CCNH: variants seen among roughly 807,000 people sequenced by gnomAD.
CCNH encodes cyclin H.
CCNH carries 31 observed loss-of-function variants against 41.9 expected under a neutral mutation model. The observed-to-expected ratio is 0.74, with a 90% CI of 0.56 to 1.00. The LOEUF (loss-of-function observed/expected upper bound fraction) is 1.00, where lower values mean the gene tolerates loss of function less well. Ranked by LOEUF, CCNH falls within the 50% of genes least tolerant of loss-of-function variation. The pLI, the probability that CCNH is intolerant of heterozygous loss-of-function variation, is 0.00. For missense variants in CCNH, 362 were observed against 388.4 expected (o/e 0.93, Z 0.57); for synonymous variants, 138 against 136.1 (o/e 1.01, Z -0.10).
downstream of CCNH, among the ~76,000 whole-genome samples, chr5:87,373,248 C>CAAAAATATTCA (rs141121710): frequency 0.032 from 4,883 of 151,610 alleles, 233 homozygotes; most frequent in African/African-American, 0.1. Context: ...AACCATGGGT[C>CAAAAATATTCA]GAAAAAATAC....
At chr5:87,378,375 C>T (rs774161215), upstream of CCNH, 22 of 1,610,974 alleles carry the variant, frequency 1.4e-5, no homozygotes, top group Middle Eastern at 6.6e-4. Context: ...AAATAATCTT[C>T]TAATGTAAAT....
At chr5:87,391,500 C>T (rs999111403), downstream of CCNH, 2 of 237,678 alleles carry the variant, frequency 8.4e-6, no homozygotes, top group African/African-American at 4.4e-5. Flanking sequence ...ATCTATTGCT[C>T]ATCAGCTTTA....
intron 9 of CCNH, chr5:87,332,713 C>A: frequency 2.1e-6 from 3 of 1,405,976 alleles, no homozygotes; most frequent in South Asian, 2.5e-5. Flanking sequence ...AGCTATTGCT[C>A]AGTTTCTTAT....
chr5:87,360,044 A>G (rs1397007552), intron 9 of CCNH, among the ~76,000 whole-genome samples: 7 of 150,900 alleles, frequency 4.6e-5, no homozygotes, highest in African/African-American at 1.7e-4. Context: ...CATTGTATCT[A>G]TCATATCAAT....
intron 9 of CCNH, chr5:87,331,190 T>C (rs1195761390): frequency 1.0e-6 from 1 of 982,878 alleles, no homozygotes; most frequent in Non-Finnish European, 1.6e-6. Flanking sequence ...AGACTGAGGT[T>C]AAATTGAGTT....
intron 9 of CCNH, among the ~76,000 whole-genome samples, chr5:87,349,754 T>C (rs1289420825): frequency 6.6e-6 from 1 of 151,962 alleles, no homozygotes; most frequent in Non-Finnish European, 1.5e-5. Flanking sequence ...TGAGACTTAT[T>C]ATACAGATGT....
chr5:87,411,186 A>C, intron 2 of CCNH, 38 bp downstream of exon 2: 1 of 1,575,156 alleles, frequency 6.3e-7, no homozygotes, highest in Non-Finnish European at 8.6e-7. Flanking sequence ...TCACAAGCCA[A>C]CTAAAGGACA....
chr5:87,385,259 T>C, intron 9 of CCNH: 1 of 1,225,054 alleles, frequency 8.2e-7, no homozygotes, highest in Non-Finnish European at 1.2e-6. Flanking sequence ...CTGGAAGTGC[T>C]GTTGGACTTG....
chr5:87,346,046 C>A (rs184365521), intron 9 of CCNH, among the ~76,000 whole-genome samples: 13 of 152,042 alleles, frequency 8.6e-5, no homozygotes, highest in African/African-American at 2.6e-4. Flanking sequence ...ACTATGATGC[C>A]TTTTATAATA....
intron 6 of CCNH, among the ~76,000 whole-genome samples, 197 bp from the exon 7 acceptor site, chr5:87,399,702 T>C (rs998595909): frequency 6.6e-6 from 1 of 152,210 alleles, no homozygotes; most frequent in Non-Finnish European, 1.5e-5. Flanking sequence ...CAAGTAATTA[T>C]GGCTCTCTGC....
At position 87,330,021 on chromosome 5, in the gene CCNH, G is replaced by A. The variant is rs1228486243; in HGVS notation, c.*91-11124C>T. ...AAGATTAGGATTTTAGAGGAATGCAGTATTGATTGTTCTTTCCCTTCTTCC... is the reference window on the plus strand; with the variant it reads ...AAGATTAGGATTTTAGAGGAATGCAATATTGATTGTTCTTTCCCTTCTTCC... On this transcript the variant is annotated intron_variant and NMD_transcript_variant, in intron 9 of 9. Transcript: ENST00000645953. 3.3e-5 allele frequency among the ~76,000 whole-genome samples: 5 copies of A among 152,222 alleles called. No individual in the cohort carries two copies. In the East Asian group the frequency reaches 9.7e-4, roughly 29 times the overall value.
At chr5:87,384,697 A>G (rs1441536183) in intron 9 of CCNH, among the ~76,000 whole-genome samples, 1 of 152,136 alleles carries the variant, frequency 6.6e-6, no homozygotes, top group African/African-American at 2.4e-5. Flanking sequence ...TCCAGAGCTT[A>G]TATTTAATAG....
downstream of CCNH, among the ~76,000 whole-genome samples, chr5:87,388,021 C>A (rs1580414104): frequency 6.6e-6 from 1 of 152,290 alleles, no homozygotes; most frequent in East Asian, 1.9e-4. Flanking sequence ...TGAAGACCCA[C>A]CTCAATTATT....
intron 9 of CCNH, among the ~76,000 whole-genome samples, chr5:87,370,154 C>T (rs1474043682): frequency 2.6e-5 from 4 of 152,102 alleles, no homozygotes; most frequent in African/African-American, 9.7e-5. Context: ...GATGTTGAGG[C>T]CAACTGAGAA....
At chr5:87,341,385 A>T (rs950689829) in intron 9 of CCNH, 9 of 1,160,820 alleles carry the variant, frequency 7.8e-6, no homozygotes, top group Non-Finnish European at 4.5e-6. Context: ...CTAATTGGAA[A>T]ACTTTGGCCA....
At chr5:87,402,994 A>G (rs559914733) in intron 5 of CCNH, among the ~76,000 whole-genome samples, 2 of 152,330 alleles carry the variant, frequency 1.3e-5, no homozygotes, top group East Asian at 3.9e-4. Context: ...AAGAATACCT[A>G]AAGTAGCAGA....
the CCNH span, among the ~76,000 whole-genome samples, chr5:87,312,116 A>G: frequency 1.3e-5 from 2 of 152,270 alleles, no homozygotes; most frequent in Non-Finnish European, 2.9e-5. Context: ...GCAACCTATG[A>G]TATGCATCAG....
the CCNH span, among the ~76,000 whole-genome samples, chr5:87,311,559 A>G: frequency 6.6e-6 from 1 of 152,252 alleles, no homozygotes; most frequent in Admixed American, 6.5e-5. Flanking sequence ...AGAGTCCAGC[A>G]GAGATTAGAT....
At chr5:87,332,902 T>C (rs1235958149) in intron 9 of CCNH, among the ~76,000 whole-genome samples, 1 of 152,156 alleles carries the variant, frequency 6.6e-6, no homozygotes, top group Non-Finnish European at 1.5e-5. Flanking sequence ...TTTCTGAATG[T>C]ATGGGAACAA....
Sources: gnomAD v4.1 joint callset for allele counts (sites outside exome capture counted in the v4.1 genomes callset) on GRCh38, gnomAD v4.1.1 for gene constraint, MANE v1.5 for transcripts, NCBI Gene and HGNC (gene_info 2026-07-23, HGNC 2026-07-21) for gene names.